HIVEP2: variants seen among roughly 807,000 people sequenced by gnomAD.
HIVEP2 encodes the protein HIVEP zinc finger 2.
A neutral mutation model predicts 180.7 loss-of-function variants in HIVEP2; 14 were observed. That is an observed-to-expected ratio of 0.08 (90% CI 0.05 to 0.12). The LOEUF is 0.12. Among genes scored for constraint, HIVEP2 ranks in the 10% least tolerant of loss-of-function variants. The pLI, the probability that HIVEP2 is intolerant of heterozygous loss-of-function variation, is 1.00. For missense variants in HIVEP2, 2,579 were observed against 3,008.5 expected, an observed-to-expected ratio of 0.86 and a Z score of 3.34; for synonymous variants, 1,184 against 1,136.4, an observed-to-expected ratio of 1.04 and a Z score of -0.84.
chr6:142,815,494 A>C (rs1409093528), intron 2 of HIVEP2, among the ~76,000 whole-genome samples: 1 of 152,232 alleles, frequency 6.6e-6, no homozygotes, highest in Admixed American at 6.5e-5. Flanking sequence ...GAGGCCTTTT[A>C]CATGAATAAT....
Position 142,772,901 on chromosome 6 carries a change from C to T in HIVEP2, c.1838G>A (p.Arg613Lys). 6.2e-7 allele frequency: 1 copy of T among 1,614,174 alleles called. No individual in the cohort carries two copies. ...EGHVEVEHHG[R>K]MLKGISSSSL... ...TGAACTGCTGATACCCTTCAACATCCTGCCATGGTGCTCGACTTCCACGTG... is the reference window on the plus strand; with the variant it reads ...TGAACTGCTGATACCCTTCAACATCTTGCCATGGTGCTCGACTTCCACGTG... Residue 613 changes from arginine (R) to lysine (K), a missense_variant, in exon 5 of 10, where the codon AGG (arginine) becomes AAG (lysine). Transcript: ENST00000367603. The surrounding 1 kb of genome is among the most constrained non-coding windows in gnomAD (Gnocchi z 4.9).
intron 2 of HIVEP2, among the ~76,000 whole-genome samples, chr6:142,791,901 C>T (rs1776146363): frequency 6.6e-6 from 1 of 152,094 alleles, no homozygotes; most frequent in Non-Finnish European, 1.5e-5. Context: ...GCAATAGAGG[C>T]ATGAAATGGT....
At position 142,772,522 on chromosome 6, in the gene HIVEP2, C is replaced by T; in HGVS notation, c.2217G>A (p.Arg739=). 6.2e-7 allele frequency: 1 copy of T among 1,614,150 alleles called. No homozygotes were observed. Among genetic ancestry groups the T allele is most frequent in the Non-Finnish European group, 8.5e-7 (1 of 1,180,038 alleles). ...DPKLQMQEGV[R]SGFAMAGHEN... ...CGTGTCCAGCCATGGCAAATCCACT[C>T]CTGACTCCTTCCTGCATCTGCAGTT... Residue 739 remains arginine, a synonymous_variant, in exon 5 of 10, where the codon AGG becomes AGA. Coordinates refer to ENST00000367603, the MANE Select transcript of HIVEP2 (RefSeq NM_006734.4). This position sits in a 1 kb window ranked among gnomAD's most constrained non-coding sequence, Gnocchi z 4.9.
At chr6:142,877,981 T>G (rs1355049565) in intron 1 of HIVEP2, among the ~76,000 whole-genome samples, 1 of 151,994 alleles carries the variant, frequency 6.6e-6, no homozygotes, top group Non-Finnish European at 1.5e-5. Flanking sequence ...TGTGTGTGTA[T>G]GTGTGTGTGT....
Position 142,773,224 on chromosome 6 carries a change from G to C in HIVEP2, c.1515C>G (p.Pro505=), listed in dbSNP as rs1440096502. Residue 505 remains proline, a synonymous_variant, in exon 5 of 10, where the codon CCC becomes CCG. Transcript: ENST00000367603. The part of the protein sequence containing the change: ...STKFNSESRQ[P]QIIPSSIRNE... ...TCCTGATAGATGATGGAATAATCTG[G>C]GGTTGTCTGGACTCACTGTTGAACT... is the stretch of plus-strand genomic sequence containing the variant. The C allele has an allele frequency of 2.5e-6, 4 of 1,614,000 alleles. No individual in the cohort carries two copies. The highest frequency in any genetic ancestry group is 3.4e-6 in the Non-Finnish European group (4 of 1,180,006).
At chr6:142,778,109 C>A (rs1775752823) in intron 3 of HIVEP2, among the ~76,000 whole-genome samples, 1 of 152,160 alleles carries the variant, frequency 6.6e-6, no homozygotes, top group Non-Finnish European at 1.5e-5. Context: ...TGTAAAGCAG[C>A]AGTCAAAATA....
At chr6:142,787,891 A>G (rs1286160193) in intron 2 of HIVEP2, among the ~76,000 whole-genome samples, 1 of 152,224 alleles carries the variant, frequency 6.6e-6, no homozygotes, top group Admixed American at 6.5e-5. Context: ...GAAGGTTTTG[A>G]AAAGTCAAGA....
chr6:142,901,691 A>T (rs1777135466), intron 1 of HIVEP2, among the ~76,000 whole-genome samples: 2 of 152,214 alleles, frequency 1.3e-5, no homozygotes, highest in East Asian at 3.8e-4. Flanking sequence ...GTCCTATCAC[A>T]CATTCTCATA....
At chr6:142,837,099 A>G (rs1274964263) in intron 1 of HIVEP2, 52 bp from the exon 2 acceptor site, 1 of 152,166 alleles carries the variant, frequency 6.6e-6, no homozygotes, top group Non-Finnish European at 1.5e-5. Context: ...TGATTATAGG[A>G]GCTATACATT....
chr6:142,760,364 A>G lies in HIVEP2; in HGVS notation c.5924T>C (p.Leu1975Ser). ...HSSLISYLVT[L>S]PSIRVTQLMT... ...AAGCTGAGTAACTCGAATACTTGGC[A>G]AAGTAACCAAATAGCTGATCAACGA... Residue 1975 changes from leucine to serine, a missense_variant, in exon 9 of 10, where the codon TTG becomes TCG. Leu to Ser is a moderately radical substitution (Grantham distance 145). Coordinates refer to ENST00000367603, the MANE Select transcript of HIVEP2 (RefSeq NM_006734.4). 6.2e-7 allele frequency: 1 copy of G among 1,614,234 alleles called. No homozygotes were observed. The highest frequency in any genetic ancestry group is 2.2e-5 in the East Asian group (1 of 44,886).
At chr6:142,766,098 C>T (rs978414657) in intron 6 of HIVEP2, among the ~76,000 whole-genome samples, 3 of 152,120 alleles carry the variant, frequency 2.0e-5, no homozygotes, top group Non-Finnish European at 4.4e-5. Flanking sequence ...TTTATCCTAG[C>T]TAATCCACAA....
chr6:142,783,291 G>A (rs530233534), intron 3 of HIVEP2, among the ~76,000 whole-genome samples: 234 of 117,100 alleles, frequency 2.0e-3, no homozygotes, highest in African/African-American at 7.4e-3. Flanking sequence ...TTGTGCCACT[G>A]CACTCCAGCC....
intron 1 of HIVEP2, among the ~76,000 whole-genome samples, chr6:142,898,822 G>C (rs1777061569): frequency 6.6e-6 from 1 of 152,020 alleles, no homozygotes; most frequent in Non-Finnish European, 1.5e-5. Context: ...CCTTCACACT[G>C]ACTCAGCCAC....
chr6:142,806,468 A>G (rs575262047), intron 2 of HIVEP2, among the ~76,000 whole-genome samples: 1 of 152,294 alleles, frequency 6.6e-6, no homozygotes, highest in East Asian at 1.9e-4. Flanking sequence ...GAGAACTATT[A>G]ATACTTAATA....
chr6:142,852,606 G>A (rs1476091924), intron 1 of HIVEP2, among the ~76,000 whole-genome samples: 2 of 152,162 alleles, frequency 1.3e-5, no homozygotes, highest in African/African-American at 4.8e-5. Flanking sequence ...ATCCACCACA[G>A]ATATACTTTA....
At chr6:142,896,541 C>G (rs1776999722) in intron 1 of HIVEP2, among the ~76,000 whole-genome samples, 1 of 152,202 alleles carries the variant, frequency 6.6e-6, no homozygotes, top group Non-Finnish European at 1.5e-5. Flanking sequence ...ATGCTCTGCT[C>G]AGCACTCTCT....
At position 142,770,173 on chromosome 6, in the gene HIVEP2, T is replaced by C; in HGVS notation, c.4566A>G (p.Ser1522=). ...SSSFSSLSPS[S]SQDYPSVSPS... is the part of the protein sequence containing the mutation. ...GGCTAACAGAAGGATAGTCTTGAGA[T>C]GAGGAGGGCGACAGCGAGGAGAAGG... Residue 1522 remains serine (S), a synonymous_variant, in exon 5 of 10, where the codon TCA becomes TCG. Transcript: ENST00000367603. The surrounding 1 kb of genome is among the most constrained non-coding windows in gnomAD (Gnocchi z 4.7). The C allele has an allele frequency of 5.0e-6, 8 of 1,614,150 alleles. No individual in the cohort carries two copies. The highest frequency in any genetic ancestry group is 6.8e-6 in the Non-Finnish European group (8 of 1,180,024).
intron 1 of HIVEP2, among the ~76,000 whole-genome samples, chr6:142,848,276 G>A (rs1330866942): frequency 1.3e-5 from 2 of 152,208 alleles, no homozygotes; most frequent in African/African-American, 4.8e-5. Flanking sequence ...TGGGATGGGG[G>A]AAGGTATCAC....
rs138802166 is a variant in HIVEP2 at position 142,900,270 on chromosome 6, G to C, written c.-641+44829C>G. ...AATGAAGAAACTAAACAAAGGACTG[G>C]GGAAATTGACAAAGATGAGTATGGC... On this transcript the variant is annotated intron_variant, in intron 1 of 9. Coordinates refer to ENST00000367603, the MANE Select transcript of HIVEP2 (RefSeq NM_006734.4). Among the ~76,000 whole-genome samples the C allele has an allele frequency of 6.4e-3, 979 of 152,248 alleles. 9 individuals are homozygous for C. Among genetic ancestry groups the C allele is most frequent in the African/African-American group, 0.022 (932 of 41,538 alleles).
Sources: gnomAD v4.1 joint callset for allele counts (sites outside exome capture counted in the v4.1 genomes callset) on GRCh38, gnomAD v4.1.1 for gene constraint, Gnocchi (gnomAD v3.1) non-coding constraint, MANE v1.5 for transcripts, NCBI Gene and HGNC (gene_info 2026-07-23, HGNC 2026-07-21) for gene names.